Variants in TATDN3 observed in about 807,000 individuals in gnomAD.
TATDN3 encodes TatD DNase domain containing 3.
Under a neutral mutation model 40.1 loss-of-function variants are expected in TATDN3, and 29 were observed. The ratio of observed to expected loss-of-function variants is 0.72; its 90% CI spans 0.54 to 0.99. The LOEUF (loss-of-function observed/expected upper bound fraction) is 0.99, where lower values mean the gene tolerates loss of function less well. Ranked by LOEUF, TATDN3 falls within the 50% of genes least tolerant of loss-of-function variation. The probability of loss-of-function intolerance (pLI) is 0.00; values close to 1 mark genes in which losing one functional copy is unlikely to be tolerated. For missense variants in TATDN3, 309 were observed against 321.9 expected, an observed-to-expected ratio of 0.96 and a Z score of 0.31; for synonymous variants, 105 against 117.0, an observed-to-expected ratio of 0.90 and a Z score of 0.66.
intron 7 of TATDN3, among the ~76,000 whole-genome samples, chr1:212,805,883 C>G (rs1428239525): frequency 6.6e-6 from 1 of 151,958 alleles, no homozygotes; most frequent in African/African-American, 2.4e-5. Context: ...GTTTAACAAG[C>G]AATCCACATA....
At chr1:212,800,249 C>CAT (rs1377186395) in intron 4 of TATDN3, among the ~76,000 whole-genome samples, 2 of 152,010 alleles carry the variant, frequency 1.3e-5, no homozygotes, top group African/African-American at 4.8e-5. Context: ...CTGGACGGGA[C>CAT]CAGAGTACTA....
At chr1:212,814,561 G>C (rs1286362692) in intron 9 of TATDN3, among the ~76,000 whole-genome samples, 1 of 152,156 alleles carries the variant, frequency 6.6e-6, no homozygotes, top group African/African-American at 2.4e-5. Flanking sequence ...ATGCATCTTA[G>C]AATCAGTGAA....
intron 5 of TATDN3, among the ~76,000 whole-genome samples, chr1:212,803,660 AT>A (rs1216731560): frequency 6.6e-6 from 1 of 152,012 alleles, no homozygotes; most frequent in Non-Finnish European, 1.5e-5. Context: ...GCTTCTGAGC[AT>A]TTGAAATGTG....
At chr1:212,800,629 A>G (rs1195564403) in intron 4 of TATDN3, among the ~76,000 whole-genome samples, 1 of 152,148 alleles carries the variant, frequency 6.6e-6, no homozygotes, top group Non-Finnish European at 1.5e-5. Context: ...CATTCTGAAT[A>G]AATCTCTTCT....
intron 9 of TATDN3, among the ~76,000 whole-genome samples, chr1:212,814,113 C>G (rs1663064028): frequency 6.6e-6 from 1 of 152,020 alleles, no homozygotes; most frequent in African/African-American, 2.4e-5. Flanking sequence ...AGCCACTGCA[C>G]CTGGCTGAAC....
intron 5 of TATDN3, 87 bp from the exon 6 acceptor site, chr1:212,804,233 T>C: frequency 1.2e-6 from 1 of 866,946 alleles, no homozygotes; most frequent in Non-Finnish European, 1.8e-6. Context: ...TCACATTATA[T>C]ATTTCTATTG....
At chr1:212,802,068 C>A (rs12126017) in intron 4 of TATDN3, among the ~76,000 whole-genome samples, 66,694 of 151,940 alleles carry the variant, frequency 0.44, 15,389 homozygotes, top group Non-Finnish European at 0.51. Context: ...ATTTATTTTC[C>A]CTGCCTAAGA....
intron 4 of TATDN3, chr1:212,797,470 C>T (rs543591679): frequency 3.0e-6 from 1 of 333,258 alleles, no homozygotes; most frequent in South Asian, 4.9e-5. Context: ...AGTATTATAG[C>T]ACATGGAAAA....
At chr1:212,804,785 A>T (rs1195685007) in intron 7 of TATDN3, 134 bp downstream of exon 7, 5 of 710,296 alleles carry the variant, frequency 7.0e-6, no homozygotes, top group Non-Finnish European at 1.2e-5. Context: ...AAATCATCTA[A>T]GATGATGTTG....
At position 212,815,528 on chromosome 1, in the gene TATDN3, C is replaced by CTT. The variant is rs11322576; in HGVS notation, c.*385_*386dup. 9.4e-5 allele frequency: 14 copies of CTT among 148,202 alleles called. No homozygotes were observed. Among genetic ancestry groups the CTT allele is most frequent in the South Asian group, 2.1e-4 (1 of 4,716 alleles). The allele number at this position is 148,202 out of a possible 1,614,324, so 9.2% of individuals were successfully genotyped here. On this transcript the variant is annotated 3_prime_UTR_variant, in exon 10 of 10. Transcript: ENST00000366974. Reference sequence around the variant, plus strand: ...TGAGGATGGAGTAAGCTAAAGTATACTTTTTTTTTTTTTTGATGGAGTTTC... The same window carrying CTT: ...TGAGGATGGAGTAAGCTAAAGTATACTTTTTTTTTTTTTTTTGATGGAGTTTC...
chr1:212,806,254 C>T (rs946523725), intron 7 of TATDN3, among the ~76,000 whole-genome samples: 3 of 152,016 alleles, frequency 2.0e-5, no homozygotes, highest in Non-Finnish European at 4.4e-5. Flanking sequence ...TAAGATAATC[C>T]ATTTGACTGC....
At chr1:212,793,393 T>A (rs1286734712) in intron 1 of TATDN3, among the ~76,000 whole-genome samples, 1 of 152,046 alleles carries the variant, frequency 6.6e-6, no homozygotes, top group Non-Finnish European at 1.5e-5. Flanking sequence ...TTTGTATTTT[T>A]AATAGAGACA....
chr1:212,806,021 A>C (rs1662443660), intron 7 of TATDN3, among the ~76,000 whole-genome samples: 3 of 152,200 alleles, frequency 2.0e-5, no homozygotes, highest in Non-Finnish European at 1.5e-5. Context: ...ACCGTCTAAT[A>C]GTCATTCATA....
intron 2 of TATDN3, 39 bp downstream of exon 2, chr1:212,795,166 T>A (rs769580119): frequency 3.8e-6 from 6 of 1,558,954 alleles, no homozygotes; most frequent in South Asian, 1.1e-5. Context: ...GGTTTTTTAT[T>A]TTAACTATCA....
In TATDN3 at chr1:212,806,783, T is replaced by TATATATATAC. The variant is rs796710955; in HGVS notation, c.488-952_488-951insTATATATACA. Among the ~76,000 whole-genome samples the TATATATATAC allele has an allele frequency of 3.8e-3, 305 of 79,504 alleles. 42 individuals are homozygous for TATATATATAC. Among genetic ancestry groups the TATATATATAC allele is most frequent in the Admixed American group, 0.011 (58 of 5,438 alleles). The allele number at this position is 79,504 out of a possible 152,430, so 52.2% of individuals were successfully genotyped here. On this transcript the variant is annotated intron_variant, in intron 7 of 9. Transcript: ENST00000366974. ...ATATATATATATATATATATATATA[T>TATATATATAC]ACACACACACACACACATATATACA... is the stretch of plus-strand genomic sequence containing the variant.
intron 7 of TATDN3, among the ~76,000 whole-genome samples, chr1:212,806,577 A>T (rs1335388409): frequency 6.7e-6 from 1 of 149,872 alleles, no homozygotes; most frequent in Non-Finnish European, 1.5e-5. Context: ...GGGTTTCACC[A>T]TGTTGCCCAG....
chr1:212,811,177 C>G lies in TATDN3; in HGVS notation c.601-1071C>G, dbSNP rs61832053. ...TTTGTATTTTTTTTTTCCACTCTGG[C>G]TAGGCTGGAGTGCAGTGGCGCGATC... On this transcript the variant is annotated intron_variant, in intron 8 of 9. Coordinates refer to ENST00000366974, the MANE Select transcript of TATDN3 (RefSeq NM_001042552.3). Among the ~76,000 whole-genome samples, 988 of 151,820 alleles carry G rather than the reference C, an allele frequency of 6.5e-3. 7 individuals carry two copies. The highest frequency in any genetic ancestry group is 9.5e-3 in the Non-Finnish European group (642 of 67,898).
chr1:212,806,193 T>C (rs763793644), intron 7 of TATDN3, among the ~76,000 whole-genome samples: 16 of 152,170 alleles, frequency 1.1e-4, no homozygotes, highest in Non-Finnish European at 2.4e-4. Context: ...ACTCTGACTA[T>C]TGAGTTTGTG....
chr1:212,805,914 T>C (rs1415481335), intron 7 of TATDN3, among the ~76,000 whole-genome samples: 1 of 127,794 alleles, frequency 7.8e-6, no homozygotes, highest in Non-Finnish European at 1.7e-5. Flanking sequence ...CGTATAGGTA[T>C]GTAAGTGTGT....
Sources: gnomAD v4.1 joint callset for allele counts (sites outside exome capture counted in the v4.1 genomes callset) on GRCh38, gnomAD v4.1.1 for gene constraint, MANE v1.5 for transcripts, NCBI Gene and HGNC (gene_info 2026-07-23, HGNC 2026-07-21) for gene names.